MAP3K4: variants seen among roughly 807,000 people sequenced by gnomAD.
MAP3K4 encodes the protein mitogen-activated protein kinase kinase kinase 4, also known as MAP three kinase 1.
MAP3K4 carries 67 observed loss-of-function variants against 185.6 expected under a neutral mutation model. That is an observed-to-expected ratio of 0.36 (90% CI 0.30 to 0.44). MAP3K4 has a LOEUF of 0.44. Among genes scored for constraint, MAP3K4 ranks in the 20% least tolerant of loss-of-function variants. MAP3K4 has a pLI of 1.00. For synonymous variants in MAP3K4, 702 were observed against 710.4 expected (o/e 0.99, Z 0.19); for missense variants, 1,551 against 1,995.1 (o/e 0.78, Z 4.24).
At chr6:161,025,408 C>G (rs1782598500) in intron 1 of MAP3K4, among the ~76,000 whole-genome samples, 1 of 152,224 alleles carries the variant, frequency 6.6e-6, no homozygotes, top group South Asian at 2.1e-4. Context: ...CTTCCCTACT[C>G]TAGTGTCCGT....
chr6:161,092,551 A>G (rs905084726), intron 13 of MAP3K4, among the ~76,000 whole-genome samples: 2 of 152,216 alleles, frequency 1.3e-5, no homozygotes, highest in Non-Finnish European at 2.9e-5. Flanking sequence ...TGTGTGAGAA[A>G]TAGCTGAGTG....
In MAP3K4 at chr6:161,077,205, A is replaced by G. The variant is rs1785215916; in HGVS notation, c.2097+3593A>G. 6.6e-6 allele frequency among the ~76,000 whole-genome samples: 1 copy of G among 152,156 alleles called. No individual in the cohort carries two copies. The highest frequency in any genetic ancestry group is 1.5e-5 in the Non-Finnish European group (1 of 68,030). ...TGATCATTGTTGCCTCTGGGGAGGG[A>G]GGAAAGAGATAGAAGTGAAGAGAGA... On this transcript the variant is annotated intron_variant, in intron 5 of 26. Coordinates refer to ENST00000392142, the MANE Select transcript of MAP3K4 (RefSeq NM_005922.4). The surrounding 1 kb of genome is among the most constrained non-coding windows in gnomAD (Gnocchi z 4.3).
intron 1 of MAP3K4, among the ~76,000 whole-genome samples, chr6:161,029,014 A>G (rs756950459): frequency 1.3e-5 from 2 of 152,198 alleles, no homozygotes; most frequent in Non-Finnish European, 2.9e-5. Flanking sequence ...CAAGCAAGCT[A>G]TACACATTGT....
intron 15 of MAP3K4, among the ~76,000 whole-genome samples, chr6:161,094,488 AAAAG>A (rs1777484081): frequency 6.6e-6 from 1 of 152,260 alleles, no homozygotes; most frequent in Non-Finnish European, 1.5e-5. Flanking sequence ...ATATGTCAAA[AAAAG>A]CTGTGTCTTA....
chr6:161,047,129 T>TAC (rs1165555377), intron 2 of MAP3K4, among the ~76,000 whole-genome samples: 3 of 146,332 alleles, frequency 2.1e-5, no homozygotes, highest in African/African-American at 7.5e-5. Flanking sequence ...TATATATATA[T>TAC]ATATATATAT....
rs760232151 is a variant in MAP3K4, at chr6:161,034,485, G to C, written c.343+36G>C. 6 of 1,526,730 alleles carry C rather than the reference G, an allele frequency of 3.9e-6. No individual in the cohort carries two copies. The highest frequency in any genetic ancestry group is 3.6e-5 in the Admixed American group (2 of 56,030). 94.6% of individuals were successfully genotyped at this position (1,526,730 alleles called of 1,614,324 possible). A position where few individuals can be genotyped will look rare whatever the true frequency, so the allele number is the denominator to read the frequency against. On this transcript the variant is annotated intron_variant, in intron 2 of 26. Transcript: ENST00000392142. The surrounding 1 kb of genome is among the most constrained non-coding windows in gnomAD (Gnocchi z 4.4). ...TACTTGAAAAGAGGTGTACATGAGA[G>C]GGTATGGCACTTGATTGATTCTTTC...
In MAP3K4 at chr6:161,034,046, G is replaced by A. The variant is rs1783046833; in HGVS notation, c.153-213G>A. On this transcript the variant is annotated intron_variant, in intron 1 of 26. Transcript: ENST00000392142. This position sits in a 1 kb window ranked among gnomAD's most constrained non-coding sequence, Gnocchi z 4.4. ...TACCCATGTGGTACTCCTTGTTCAT[G>A]GTAGGAGAAGCGGCAGTCACAATTA... is the stretch of plus-strand genomic sequence containing the variant. Among the ~76,000 whole-genome samples, 1 of 152,128 alleles carries A rather than the reference G, an allele frequency of 6.6e-6. No homozygotes were observed. Among genetic ancestry groups the A allele is most frequent in the Admixed American group, 6.5e-5 (1 of 15,278 alleles).
At chr6:161,001,010 A>G (rs1431466291) in intron 1 of MAP3K4, among the ~76,000 whole-genome samples, 1 of 39,876 alleles carries the variant, frequency 2.5e-5, no homozygotes, top group African/African-American at 1.3e-4. Flanking sequence ...TAATATACAC[A>G]TATGTATATA....
rs909224925 is a variant in MAP3K4, at chr6:161,064,818, G to A, written c.1708-5790G>A. Reference sequence around the variant, plus strand: ...AAGATTTTATTACTTGCAGGTTCTGGAGGGTACACGGCACGCCTACAGGCC... The same window carrying A: ...AAGATTTTATTACTTGCAGGTTCTGAAGGGTACACGGCACGCCTACAGGCC... On this transcript the variant is annotated intron_variant, in intron 3 of 26. Transcript: ENST00000392142. The surrounding 1 kb of genome is among the most constrained non-coding windows in gnomAD (Gnocchi z 4.3). 1.3e-5 allele frequency among the ~76,000 whole-genome samples: 2 copies of A among 152,188 alleles called. No individual in the cohort carries two copies. The highest frequency in any genetic ancestry group is 4.8e-5 in the African/African-American group (2 of 41,442).
At position 161,097,034 on chromosome 6, in the gene MAP3K4, G is replaced by A; in HGVS notation, c.3428-46G>A. ...TGACTGTTTGGTTTGATGATTTTCT[G>A]TGGACCATATTAACAAGTTGCATTT... is the stretch of plus-strand genomic sequence containing the variant. On this transcript the variant is annotated intron_variant, in intron 15 of 26. Coordinates refer to ENST00000392142, the MANE Select transcript of MAP3K4 (RefSeq NM_005922.4). This position sits in a 1 kb window ranked among gnomAD's most constrained non-coding sequence, Gnocchi z 4.9. 1 of 1,487,658 alleles carries A rather than the reference G, an allele frequency of 6.7e-7. No individual in the cohort carries two copies. Among genetic ancestry groups the A allele is most frequent in the Admixed American group, 1.7e-5 (1 of 59,736 alleles). 92.2% of individuals were successfully genotyped at this position (1,487,658 alleles called of 1,614,324 possible).
At position 161,043,448 on chromosome 6, in the gene MAP3K4, G is replaced by C. The variant is rs1463177083; in HGVS notation, c.344-5168G>C. Among the ~76,000 whole-genome samples the C allele has an allele frequency of 6.6e-6, 1 of 152,064 alleles. No homozygotes were observed. The highest frequency in any genetic ancestry group is 1.5e-5 in the Non-Finnish European group (1 of 68,020). On this transcript the variant is annotated intron_variant, in intron 2 of 26. Coordinates refer to ENST00000392142, the MANE Select transcript of MAP3K4 (RefSeq NM_005922.4). The surrounding 1 kb of genome is among the most constrained non-coding windows in gnomAD (Gnocchi z 4.3). ...TACTCGCTGTCTTAGCCTTTCCTTGGTCAGTTGGTACTGCCTTGCAAACAC... is the reference window on the plus strand; with the variant it reads ...TACTCGCTGTCTTAGCCTTTCCTTGCTCAGTTGGTACTGCCTTGCAAACAC...
Position 161,087,193 on chromosome 6 carries a change from G to A in MAP3K4, c.2557-495G>A, listed in dbSNP as rs1785768063. Among the ~76,000 whole-genome samples, 1 of 152,218 alleles carries A rather than the reference G, an allele frequency of 6.6e-6. No individual in the cohort carries two copies. The highest frequency in any genetic ancestry group is 2.4e-5 in the African/African-American group (1 of 41,458). Reference sequence around the variant, plus strand: ...GTTGTATCCCGCTCCCATACTGAGAGTGGGAGGGATGACCTGCAGCGTGCC... The same window carrying A: ...GTTGTATCCCGCTCCCATACTGAGAATGGGAGGGATGACCTGCAGCGTGCC... On this transcript the variant is annotated intron_variant, in intron 9 of 26. Transcript: ENST00000392142. The surrounding 1 kb of genome is among the most constrained non-coding windows in gnomAD (Gnocchi z 4.9).
At chr6:161,065,632 T>A (rs1426283004) in intron 3 of MAP3K4, among the ~76,000 whole-genome samples, 1 of 152,202 alleles carries the variant, frequency 6.6e-6, no homozygotes, top group Non-Finnish European at 1.5e-5. Context: ...GACTTCAGCT[T>A]TCTTCGGATT....
Position 160,991,954 on chromosome 6 carries a change from TG to T in MAP3K4, c.25del (p.Val9SerfsTer60). 6.5e-7 allele frequency: 1 copy of T among 1,544,080 alleles called. No individual in the cohort carries two copies. Among genetic ancestry groups the T allele is most frequent in the Non-Finnish European group, 8.7e-7 (1 of 1,152,986 alleles). ...CGGATGAGAGAAGCCGCTGCCGCGC[TG>T]GTCCCTCCTCCCGCCTTTGCCGTCA... Reference protein sequence around the residue: MREAAAALVPPPAFAVTP... With the variant: MREAAAAXVPPPAFAVTP... On this transcript the variant is annotated frameshift_variant, in exon 1 of 27. Transcript: ENST00000392142. LOFTEE classifies it high-confidence loss of function. This position sits in a 1 kb window ranked among gnomAD's most constrained non-coding sequence, Gnocchi z 5.7.
At chr6:161,094,750 G>A (rs895402598) in intron 15 of MAP3K4, among the ~76,000 whole-genome samples, 2 of 152,080 alleles carry the variant, frequency 1.3e-5, no homozygotes, top group African/African-American at 2.4e-5. Context: ...CAAGGTTGTC[G>A]TGAAAATGAA....
At chr6:161,018,753 T>C (rs537122205) in intron 1 of MAP3K4, among the ~76,000 whole-genome samples, 2 of 152,230 alleles carry the variant, frequency 1.3e-5, no homozygotes, top group South Asian at 4.1e-4. Context: ...ATCCTAGAAG[T>C]GTAACAGATG....
Position 161,109,882 on chromosome 6 carries a change from A to G in MAP3K4, c.4364A>G (p.His1455Arg). 1 of 1,614,114 alleles carries G rather than the reference A, an allele frequency of 6.2e-7. No homozygotes were observed. Among genetic ancestry groups the G allele is most frequent in the Non-Finnish European group, 8.5e-7 (1 of 1,180,014 alleles). ...KQITIAINVL[H>R]EHGIVHRDIK... ...ATCACCATTGCGATCAACGTCCTCC[A>G]TGAGCATGGCATAGTCCACCGTGAC... is the stretch of plus-strand genomic sequence containing the variant. Residue 1455 changes from histidine to arginine, a missense_variant, in exon 23 of 27, where the codon CAT (histidine) becomes CGT (arginine). This residue lies in a region of MAP3K4 where 159 missense variants were observed against 300.5 expected (regional missense o/e 0.53). Transcript: ENST00000392142. The surrounding 1 kb of genome is among the most constrained non-coding windows in gnomAD (Gnocchi z 5.7).
At chr6:161,065,917 A>C (rs1204586733) in intron 3 of MAP3K4, among the ~76,000 whole-genome samples, 1 of 120,278 alleles carries the variant, frequency 8.3e-6, no homozygotes, top group African/African-American at 2.9e-5. Context: ...CAGCCTGGGC[A>C]AAAGAGCAAG....
intron 1 of MAP3K4, among the ~76,000 whole-genome samples, chr6:161,032,914 A>T (rs1368971155): frequency 3.9e-5 from 6 of 152,220 alleles, no homozygotes; most frequent in African/African-American, 1.4e-4. Flanking sequence ...ACTCTCATAA[A>T]GTATTTAGAG....
Sources: gnomAD v4.1 joint callset for allele counts (sites outside exome capture counted in the v4.1 genomes callset) on GRCh38, gnomAD v4.1.1 for gene constraint, gnomAD v4.1.1 regional missense constraint, Gnocchi (gnomAD v3.1) non-coding constraint, MANE v1.5 for transcripts, NCBI Gene and HGNC (gene_info 2026-07-23, HGNC 2026-07-21) for gene names.